Variants in LCLAT1 observed in about 807,000 individuals in gnomAD.
The protein encoded by LCLAT1 is 1-AGP acyltransferase 8.
A neutral mutation model predicts 30.7 loss-of-function variants in LCLAT1; 11 were observed. The ratio of observed to expected loss-of-function variants is 0.36; its 90% confidence interval spans 0.23 to 0.59. LCLAT1 has a LOEUF of 0.59. LCLAT1 is among the 20% of genes least tolerant of loss of function. The pLI, the probability that LCLAT1 is intolerant of heterozygous loss-of-function variation, is 0.77. For missense variants in LCLAT1, 402 were observed against 458.6 expected (o/e 0.88, Z 1.13); for synonymous variants, 155 against 151.3 (o/e 1.02, Z -0.18).
At chr2:30,562,873 A>G (rs979361958) in intron 4 of LCLAT1, among the ~76,000 whole-genome samples, 2 of 152,114 alleles carry the variant, frequency 1.3e-5, no homozygotes, top group African/African-American at 2.4e-5. Flanking sequence ...TCTGATAGTA[A>G]CTAATTTCAG....
intron 5 of LCLAT1, among the ~76,000 whole-genome samples, chr2:30,630,405 G>A (rs1668713315): frequency 6.6e-6 from 1 of 152,050 alleles, no homozygotes; most frequent in African/African-American, 2.4e-5. Flanking sequence ...ACTTTGGGGA[G>A]GAAAAAACAA....
intron 1 of LCLAT1, among the ~76,000 whole-genome samples, chr2:30,462,386 A>G (rs1350914957): frequency 6.6e-6 from 1 of 152,224 alleles, no homozygotes; most frequent in East Asian, 1.9e-4. Flanking sequence ...AGTACAGGTG[A>G]TAAGATGCTT....
intron 5 of LCLAT1, among the ~76,000 whole-genome samples, chr2:30,599,664 T>C (rs1199274337): frequency 8.8e-6 from 1 of 113,160 alleles, no homozygotes; most frequent in Non-Finnish European, 1.9e-5. Context: ...GATAGTTAGC[T>C]CTGCTTGTTA....
At chr2:30,470,184 A>G (rs766433362) in intron 1 of LCLAT1, among the ~76,000 whole-genome samples, 25 of 152,186 alleles carry the variant, frequency 1.6e-4, no homozygotes, top group Non-Finnish European at 2.9e-4. Context: ...GTCCACCAGA[A>G]CACGAGGTCT....
At position 30,555,197 on chromosome 2, in the gene LCLAT1, A is replaced by C. The variant is rs1412877637; in HGVS notation, c.365-6949A>C. Among the ~76,000 whole-genome samples the C allele has an allele frequency of 3.3e-5, 5 of 152,216 alleles. No homozygotes were observed. The East Asian group carries it at 9.6e-4, about 29-fold the overall frequency. ...TTACTAGCCATATTCAATGATAGAA[A>C]ACTATAGAAAATAGCTTTGATATTC... On this transcript the variant is annotated intron_variant, in intron 3 of 5. Transcript: ENST00000379509.
At chr2:30,578,329 A>T (rs914965037) in intron 5 of LCLAT1, among the ~76,000 whole-genome samples, 2 of 152,048 alleles carry the variant, frequency 1.3e-5, no homozygotes, top group African/African-American at 4.8e-5. Context: ...CCTTTAGGAG[A>T]AGATAATAAG....
chr2:30,454,630 T>C (rs1364234978), intron 1 of LCLAT1, among the ~76,000 whole-genome samples: 1 of 151,828 alleles, frequency 6.6e-6, no homozygotes, highest in Non-Finnish European at 1.5e-5. Context: ...TTTTTTTTTT[T>C]TTTTGTAGAG....
chr2:30,576,076 G>A (rs1175610942), intron 5 of LCLAT1, among the ~76,000 whole-genome samples: 2 of 152,090 alleles, frequency 1.3e-5, no homozygotes, highest in Admixed American at 6.6e-5. Context: ...ATATACAGTT[G>A]TATTTTACTC....
At chr2:30,622,696 A>G (rs1021897591) in intron 5 of LCLAT1, among the ~76,000 whole-genome samples, 6 of 152,184 alleles carry the variant, frequency 3.9e-5, no homozygotes, top group African/African-American at 1.2e-4. Flanking sequence ...TAGACCCAGA[A>G]AAGAAGTAAC....
At chr2:30,463,214 A>G (rs17009527) in intron 1 of LCLAT1, among the ~76,000 whole-genome samples, 2,216 of 152,160 alleles carry the variant, frequency 0.015, 52 homozygotes, top group African/African-American at 0.051. Context: ...GTTGATAACC[A>G]TGTTTATTTT....
intron 5 of LCLAT1, among the ~76,000 whole-genome samples, chr2:30,611,234 G>C (rs1328419744): frequency 6.6e-6 from 1 of 151,778 alleles, no homozygotes; most frequent in Non-Finnish European, 1.5e-5. Flanking sequence ...ATGTGAACAT[G>C]ATAAAGCTAC....
At chr2:30,596,211 C>T (rs752586326) in intron 5 of LCLAT1, among the ~76,000 whole-genome samples, 15 of 152,148 alleles carry the variant, frequency 9.9e-5, no homozygotes, top group African/African-American at 1.9e-4. Context: ...TTTGAGGAAT[C>T]GCCACACTGC....
chr2:30,512,490 T>C (rs950518874), intron 1 of LCLAT1, among the ~76,000 whole-genome samples: 1 of 152,144 alleles, frequency 6.6e-6, no homozygotes, highest in Non-Finnish European at 1.5e-5. Flanking sequence ...TCGAAGGAGA[T>C]AAAAGGGTGG....
At chr2:30,629,804 T>C (rs539069915) in intron 5 of LCLAT1, among the ~76,000 whole-genome samples, 70 of 152,338 alleles carry the variant, frequency 4.6e-4, no homozygotes, top group African/African-American at 1.4e-3. Flanking sequence ...ATGAAAACTT[T>C]TTTTAATGTG....
chr2:30,469,992 A>C (rs1233958997), intron 1 of LCLAT1, among the ~76,000 whole-genome samples: 1 of 152,100 alleles, frequency 6.6e-6, no homozygotes, highest in African/African-American at 2.4e-5. Context: ...CAGCCTCCCA[A>C]AGTGCTGGGA....
intron 1 of LCLAT1, among the ~76,000 whole-genome samples, chr2:30,453,090 T>A (rs892933541): frequency 6.6e-6 from 1 of 152,156 alleles, no homozygotes; most frequent in South Asian, 2.1e-4. Flanking sequence ...AGAGTTATGG[T>A]ACCCTTAGTT....
intron 1 of LCLAT1, among the ~76,000 whole-genome samples, chr2:30,512,196 CTTATT>C (rs1288539314): frequency 1.3e-5 from 2 of 152,008 alleles, no homozygotes; most frequent in East Asian, 1.9e-4. Context: ...TTTTGGAATT[CTTATT>C]TTATTTCATG....
rs546663401 is a variant in LCLAT1, at chr2:30,490,272, A to G, written c.-4-35315A>G. ...GGCTGGAGTGCAGTGGCACAATCTCAGCTCACTGCAAGCTCCGCCTCCCAG... is the reference window on the plus strand; with the variant it reads ...GGCTGGAGTGCAGTGGCACAATCTCGGCTCACTGCAAGCTCCGCCTCCCAG... On this transcript the variant is annotated intron_variant, in intron 1 of 5. Coordinates refer to ENST00000379509, the MANE Select transcript of LCLAT1 (RefSeq NM_001002257.3). 3.0e-3 allele frequency among the ~76,000 whole-genome samples: 441 copies of G among 145,362 alleles called. 1 individual carries two copies. The highest frequency in any genetic ancestry group is 0.011 in the African/African-American group (429 of 38,932).
intron 5 of LCLAT1, among the ~76,000 whole-genome samples, chr2:30,583,984 T>G (rs1274769888): frequency 6.6e-6 from 1 of 152,096 alleles, no homozygotes; most frequent in Non-Finnish European, 1.5e-5. Flanking sequence ...CCAAAGTGGT[T>G]TGCCGCACCT....
Sources: gnomAD v4.1 joint callset for allele counts (sites outside exome capture counted in the v4.1 genomes callset) on GRCh38, gnomAD v4.1.1 for gene constraint, MANE v1.5 for transcripts, NCBI Gene and HGNC (gene_info 2026-07-23, HGNC 2026-07-21) for gene names.